Variants in POLR2B observed in about 807,000 individuals in gnomAD.
POLR2B encodes RNA polymerase II subunit B.
A neutral mutation model predicts 144.6 loss-of-function variants in POLR2B; 57 were observed. The observed-to-expected ratio is 0.39, with a 90% confidence interval of 0.32 to 0.49. The LOEUF is 0.49. Among genes scored for constraint, POLR2B ranks in the 20% least tolerant of loss-of-function variants. POLR2B has a pLI of 0.83. For missense variants in POLR2B, 595 were observed against 1,467.4 expected, an observed-to-expected ratio of 0.41 and a Z score of 9.71; for synonymous variants, 442 against 469.8, an observed-to-expected ratio of 0.94 and a Z score of 0.77.
intron 3 of POLR2B, 58 bp downstream of exon 3, chr4:56,990,956 C>G (rs764251628): frequency 6.9e-7 from 1 of 1,455,606 alleles, no homozygotes; most frequent in Admixed American, 2.2e-5. Flanking sequence ...GAAATTTTAG[C>G]CCTTCTCTTA....
At chr4:56,979,752 A>G (rs1308330919) in intron 1 of POLR2B, among the ~76,000 whole-genome samples, 1 of 152,092 alleles carries the variant, frequency 6.6e-6, no homozygotes, top group Non-Finnish European at 1.5e-5. Context: ...TACAAAAATT[A>G]GCCTAGTGTG....
In POLR2B at chr4:56,994,584, A is replaced by T. The variant is rs1578563834; in HGVS notation, c.357-63A>T. The T allele has an allele frequency of 2.1e-6, 3 of 1,448,468 alleles. No homozygotes were observed. The East Asian group carries it at 6.8e-5, about 33-fold the overall frequency. The allele number at this position is 1,448,468 out of a possible 1,614,324, so 89.7% of individuals were successfully genotyped here. On this transcript the variant is annotated intron_variant, in intron 4 of 24. Transcript: ENST00000314595. ...GAATTTTGAAAATGTAATTTTAACC[A>T]CTTGAGGATTTGTTTTAACAGATAC...
chr4:56,991,606 C>A (rs1451729684), intron 3 of POLR2B, among the ~76,000 whole-genome samples: 1 of 151,912 alleles, frequency 6.6e-6, no homozygotes, highest in Non-Finnish European at 1.5e-5. Context: ...TGTTTCTAGC[C>A]TGATCAGTTT....
At chr4:57,029,070 TTTTG>T (rs538843269) in intron 23 of POLR2B, among the ~76,000 whole-genome samples, 98 of 152,332 alleles carry the variant, frequency 6.4e-4, no homozygotes, top group South Asian at 1.9e-3. Flanking sequence ...CATTGCTGTT[TTTTG>T]TTTGTTTGTT....
Position 57,017,278 on chromosome 4 carries a change from G to A in POLR2B, c.2154+37G>A. ...TTTTTGTCTTCTGGTGTGAGGAATT[G>A]GGAGAAGTAATAAAAATTGAAAGTA... On this transcript the variant is annotated intron_variant, in intron 15 of 24. Coordinates refer to ENST00000314595, the MANE Select transcript of POLR2B (RefSeq NM_000938.3). The surrounding 1 kb of genome is among the most constrained non-coding windows in gnomAD (Gnocchi z 4.8). 1 of 1,442,260 alleles carries A rather than the reference G, an allele frequency of 6.9e-7. No homozygotes were observed. The highest frequency in any genetic ancestry group is 1.4e-5 in the African/African-American group (1 of 71,166). The allele number at this position is 1,442,260 out of a possible 1,614,324, so 89.3% of individuals were successfully genotyped here. A position where few individuals can be genotyped will look rare whatever the true frequency, so the allele number is the denominator to read the frequency against.
chr4:57,006,519 G>T (rs1723023282), intron 9 of POLR2B, among the ~76,000 whole-genome samples: 2 of 152,132 alleles, frequency 1.3e-5, no homozygotes, highest in Admixed American at 1.3e-4. Flanking sequence ...TGGCCAGGCT[G>T]GTCTCAAACT....
At position 57,010,289 on chromosome 4, in the gene POLR2B, T is replaced by C. The variant is rs1405080504; in HGVS notation, c.1405-72T>C. 3.9e-6 allele frequency: 5 copies of C among 1,286,044 alleles called. No homozygotes were observed. The Admixed American group carries it at 1.0e-4, about 26-fold the overall frequency. 79.7% of individuals were successfully genotyped at this position (1,286,044 alleles called of 1,614,324 possible). ...ACTCAGTAGATTATATGTAAAAATATGACTTTGCCTCAGTGTAATAGTATG... is the reference window on the plus strand; with the variant it reads ...ACTCAGTAGATTATATGTAAAAATACGACTTTGCCTCAGTGTAATAGTATG... On this transcript the variant is annotated intron_variant, in intron 10 of 24. Transcript: ENST00000314595.
chr4:57,020,643 A>G (rs1723512663), intron 16 of POLR2B, among the ~76,000 whole-genome samples: 1 of 152,140 alleles, frequency 6.6e-6, no homozygotes, highest in Non-Finnish European at 1.5e-5. Flanking sequence ...GAGGTGACTC[A>G]TGTGTAATCA....
intron 13 of POLR2B, among the ~76,000 whole-genome samples, chr4:57,013,424 G>T (rs1448763831): frequency 1.3e-5 from 2 of 151,970 alleles, no homozygotes; most frequent in African/African-American, 4.8e-5. Flanking sequence ...TTAATAGAGA[G>T]ATTAAAAAAT....
rs552304618 is a variant in POLR2B, at chr4:57,025,605, A to G, written c.3239+68A>G. 7.9e-5 allele frequency: 85 copies of G among 1,069,592 alleles called. No individual in the cohort carries two copies. In the African/African-American group the frequency reaches 1.1e-3, roughly 13 times the overall value. The allele number at this position is 1,069,592 out of a possible 1,614,324, so 66.3% of individuals were successfully genotyped here. ...TTATGAAAAATGTCAACACACCAAA[A>G]TGGAGATAGTGGTATAGTGAATGCC... On this transcript the variant is annotated intron_variant, in intron 23 of 24. Transcript: ENST00000314595.
intron 1 of POLR2B, among the ~76,000 whole-genome samples, chr4:56,984,652 C>T (rs1404333674): frequency 2.6e-5 from 4 of 152,180 alleles, no homozygotes; most frequent in African/African-American, 9.6e-5. Flanking sequence ...CTTTGTCTTT[C>T]TTACCCTTCC....
At chr4:56,989,569 G>T (rs1194059077) in intron 2 of POLR2B, among the ~76,000 whole-genome samples, 5 of 152,330 alleles carry the variant, frequency 3.3e-5, no homozygotes, top group African/African-American at 1.2e-4. Context: ...ATGGGAGGCT[G>T]ATGATTAGTT....
At chr4:56,982,974 C>T (rs1190326325) in intron 1 of POLR2B, among the ~76,000 whole-genome samples, 1 of 152,182 alleles carries the variant, frequency 6.6e-6, no homozygotes, top group African/African-American at 2.4e-5. Flanking sequence ...TATGTCAAAT[C>T]TGGCCACTTC....
At chr4:57,025,275 G>A in intron 22 of POLR2B, 102 bp from the exon 23 acceptor site, 1 of 878,754 alleles carries the variant, frequency 1.1e-6, no homozygotes, top group Admixed American at 2.1e-5. Flanking sequence ...TTAGTTCTGT[G>A]CTTTAATTTT....
chr4:56,989,144 T>C (rs556358639), intron 2 of POLR2B, among the ~76,000 whole-genome samples: 6 of 152,294 alleles, frequency 3.9e-5, no homozygotes, highest in Non-Finnish European at 5.9e-5. Context: ...ATCATAAATA[T>C]GAAATATTTA....
intron 10 of POLR2B, 176 bp from the exon 11 acceptor site, chr4:57,010,185 C>T (rs1484787759): frequency 1.7e-6 from 1 of 579,826 alleles, no homozygotes; most frequent in South Asian, 2.4e-5. Context: ...TTTGCCATCC[C>T]TGCTGCAAGT....
chr4:56,986,527 G>A (rs1722340241), intron 2 of POLR2B, 101 bp downstream of exon 2: 1 of 646,374 alleles, frequency 1.5e-6, no homozygotes, highest in East Asian at 2.8e-5. Flanking sequence ...CTACATGAGA[G>A]TAGTTATTTT....
At chr4:56,990,637 G>C (rs1560472370) in intron 2 of POLR2B, 111 bp from the exon 3 acceptor site, 3 of 892,572 alleles carry the variant, frequency 3.4e-6, no homozygotes, top group Non-Finnish European at 5.2e-6. Flanking sequence ...ATAATGGTTG[G>C]TATTTTATGA....
chr4:57,007,425 A>G (rs1271689319), intron 10 of POLR2B, among the ~76,000 whole-genome samples: 2 of 146,182 alleles, frequency 1.4e-5, no homozygotes, highest in African/African-American at 5.6e-5. Context: ...CAAAAAACAA[A>G]AAAAAAAACT....
Sources: allele counts gnomAD v4.1 joint callset (sites outside exome capture counted in the v4.1 genomes callset), GRCh38; gene constraint gnomAD v4.1.1; non-coding constraint Gnocchi (gnomAD v3.1); transcripts MANE v1.5; gene names NCBI Gene and HGNC (gene_info 2026-07-23, HGNC 2026-07-21).